The following ASCC3 variants were observed in gnomAD, a reference collection of about 807,000 sequenced individuals.
ASCC3 encodes ASC-1 complex subunit P200.
In ASCC3, 158 loss-of-function variants were observed where a neutral mutation model predicts 256.3. The ratio of observed to expected loss-of-function variants is 0.62; its 90% CI spans 0.54 to 0.70. ASCC3 has a LOEUF of 0.70. Ranked by LOEUF, ASCC3 falls within the 30% of genes least tolerant of loss-of-function variation. The pLI, the probability that ASCC3 is intolerant of heterozygous loss-of-function variation, is 0.00. For missense variants in ASCC3, 2,259 were observed against 2,626.0 expected, an observed-to-expected ratio of 0.86 and a Z score of 3.05; for synonymous variants, 948 against 883.4, an observed-to-expected ratio of 1.07 and a Z score of -1.30.
intron 36 of ASCC3, among the ~76,000 whole-genome samples, chr6:100,565,976 T>C (rs535838525): frequency 3.3e-5 from 5 of 152,264 alleles, no homozygotes; most frequent in African/African-American, 9.6e-5. Flanking sequence ...GTGAGTCCAA[T>C]AGGGCTGCTC....
At chr6:100,520,442 T>G (rs1165100542) in intron 37 of ASCC3, among the ~76,000 whole-genome samples, 1 of 151,974 alleles carries the variant, frequency 6.6e-6, no homozygotes, top group Admixed American at 6.6e-5. Flanking sequence ...TTCTTTTTTT[T>G]TTTTCTTTTT....
Position 100,627,974 on chromosome 6 carries a change from G to C in ASCC3, c.4389C>G (p.Gly1463=). ...GAGATACAATGACCTCTAGAACAGG[G>C]CCTCTTTCCTCCCCTAGAAAATAGG... The part of the protein sequence containing the change: ...DEIHLLGEER[G]PVLEVIVSRT... The change falls in exon 28 of 42, where the codon GGC becomes GGG. Residue 1463 remains glycine (G), a synonymous_variant. Transcript: ENST00000369162. 1 of 1,613,158 alleles carries C rather than the reference G, an allele frequency of 6.2e-7. No homozygotes were observed. The highest frequency in any genetic ancestry group is 1.1e-5 in the South Asian group (1 of 91,054).
chr6:100,834,866 C>G (rs1363582296), intron 4 of ASCC3, among the ~76,000 whole-genome samples: 1 of 152,016 alleles, frequency 6.6e-6, no homozygotes, highest in East Asian at 1.9e-4. Context: ...CAGAGGCATA[C>G]TAGTATTAAA....
chr6:100,772,592 T>A (rs1299580200), intron 8 of ASCC3, among the ~76,000 whole-genome samples: 1 of 152,208 alleles, frequency 6.6e-6, no homozygotes, highest in South Asian at 2.1e-4. Flanking sequence ...TCAGAAGAGA[T>A]CACAGTAGTA....
chr6:100,532,747 A>G (rs1416867237), intron 37 of ASCC3, among the ~76,000 whole-genome samples: 1 of 152,138 alleles, frequency 6.6e-6, no homozygotes, highest in Non-Finnish European at 1.5e-5. Context: ...TGATTTTGAA[A>G]TAGACTAGAA....
chr6:100,818,481 C>T lies in ASCC3; in HGVS notation c.802-12601G>A, dbSNP rs541331976. Among the ~76,000 whole-genome samples the T allele has an allele frequency of 2.2e-3, 336 of 150,246 alleles. 2 individuals carry two copies. Among genetic ancestry groups the T allele is most frequent in the Middle Eastern group, 3.4e-3 (1 of 292 alleles). On this transcript the variant is annotated intron_variant, in intron 4 of 41. Transcript: ENST00000369162. ...ACTCAGGAGGTTGAGGCAGGAGAAC[C>T]GCTTGAACCCAGGAGGCAAGGTGGA... is the stretch of plus-strand genomic sequence containing the variant.
At position 100,601,815 on chromosome 6, in the gene ASCC3, A is replaced by T; in HGVS notation, c.5298T>A (p.Asn1766Lys). 4 of 1,612,226 alleles carry T rather than the reference A, an allele frequency of 2.5e-6. No homozygotes were observed. Among genetic ancestry groups the T allele is most frequent in the Non-Finnish European group, 3.4e-6 (4 of 1,178,652 alleles). ...ATAACTGCCCTTGCACTTACCTGGG[A>T]TTCATGATAAGACGTCGGAAAAAGT... ...WTYFFRRLIM[N>K]PSYYNLGDVS... is the part of the protein sequence containing the mutation. Residue 1766 changes from asparagine to lysine, a missense_variant, in exon 34 of 42, where the codon AAT (asparagine) becomes AAA (lysine). Around this residue, in one of 2 missense-constraint regions of ASCC3, gnomAD observed 1,839 missense variants for 2,206.7 expected, o/e 0.83. Transcript: ENST00000369162.
At chr6:100,868,071 G>A (rs760544499) in intron 1 of ASCC3, 33 bp from the exon 2 acceptor site, 58 of 1,190,126 alleles carry the variant, frequency 4.9e-5, no homozygotes, top group Middle Eastern at 1.9e-4. Flanking sequence ...TTATCTGTTC[G>A]GAAGAGGTGG....
chr6:100,789,472 G>T (rs949738041), intron 8 of ASCC3, among the ~76,000 whole-genome samples: 7 of 152,006 alleles, frequency 4.6e-5, no homozygotes, highest in Non-Finnish European at 7.4e-5. Context: ...ATAGTAATTT[G>T]TACATTTCTT....
chr6:100,598,304 CT>C, intron 34 of ASCC3, among the ~76,000 whole-genome samples: 1 of 152,120 alleles, frequency 6.6e-6, no homozygotes. Flanking sequence ...ACAATTTACC[CT>C]TCTGACTTTC....
chr6:100,614,722 G>A (rs776259737), intron 30 of ASCC3, among the ~76,000 whole-genome samples: 54 of 152,120 alleles, frequency 3.5e-4, no homozygotes, highest in Non-Finnish European at 1.0e-4. Context: ...AGGCTTAAGG[G>A]TGAGCCCCAG....
At position 100,517,874 on chromosome 6, in the gene ASCC3, A is replaced by G. The variant is rs888592712; in HGVS notation, c.5927+117T>C. ...ATGTCTCACTCTGGGAAACAGGAGT[A>G]TTTTCCATGTCAATAATCAGTATTC... On this transcript the variant is annotated intron_variant, in intron 38 of 41. Transcript: ENST00000369162. 295 of 1,173,294 alleles carry G rather than the reference A, an allele frequency of 2.5e-4. 2 individuals are homozygous for G. Among genetic ancestry groups the G allele is most frequent in the Non-Finnish European group, 3.8e-5 (31 of 825,484 alleles). 72.7% of individuals were successfully genotyped at this position (1,173,294 alleles called of 1,614,324 possible).
At chr6:100,797,353 G>C (rs1272894788) in intron 8 of ASCC3, among the ~76,000 whole-genome samples, 1 of 151,398 alleles carries the variant, frequency 6.6e-6, no homozygotes, top group African/African-American at 2.4e-5. Context: ...GGGAGGCTGA[G>C]GCAGGAGAAT....
At chr6:100,697,635 AT>A (rs1778156912) in intron 13 of ASCC3, among the ~76,000 whole-genome samples, 1 of 151,996 alleles carries the variant, frequency 6.6e-6, no homozygotes, top group Non-Finnish European at 1.5e-5. Flanking sequence ...TTCTTTTGAT[AT>A]TTTGGGTAAA....
At chr6:100,842,589 T>C (rs894458052) in intron 4 of ASCC3, among the ~76,000 whole-genome samples, 1 of 152,214 alleles carries the variant, frequency 6.6e-6, no homozygotes, top group African/African-American at 2.4e-5. Context: ...CCACTCTTCA[T>C]ACTTTTTTTC....
chr6:100,560,268 G>A (rs948324867), intron 36 of ASCC3, among the ~76,000 whole-genome samples: 12 of 152,028 alleles, frequency 7.9e-5, no homozygotes, highest in African/African-American at 2.2e-4. Context: ...GTAAACTTTC[G>A]AGAAGTTATA....
chr6:100,555,499 G>A (rs1562115488), intron 36 of ASCC3, among the ~76,000 whole-genome samples: 1 of 152,108 alleles, frequency 6.6e-6, no homozygotes, highest in Non-Finnish European at 1.5e-5. Context: ...CCACCTGGTT[G>A]ACAGCTGGAA....
At chr6:100,738,839 G>GGGCTTTTGCTTATCAGCTT (rs1393994769) in intron 10 of ASCC3, among the ~76,000 whole-genome samples, 7 of 152,116 alleles carry the variant, frequency 4.6e-5, no homozygotes, top group Admixed American at 4.6e-4. Context: ...GAAGCTTTTG[G>GGGCTTTTGCTTATCAGCTT]AATGAGACAA....
chr6:100,792,485 C>G (rs1375639066), intron 8 of ASCC3, among the ~76,000 whole-genome samples: 1 of 151,808 alleles, frequency 6.6e-6, no homozygotes, highest in Admixed American at 6.6e-5. Flanking sequence ...ATGCAACATC[C>G]TTTGTGTGGC....
Sources: gnomAD v4.1 joint callset for allele counts (sites outside exome capture counted in the v4.1 genomes callset) on GRCh38, gnomAD v4.1.1 for gene constraint, gnomAD v4.1.1 regional missense constraint, MANE v1.5 for transcripts, NCBI Gene and HGNC (gene_info 2026-07-23, HGNC 2026-07-21) for gene names.